The following ZNF701 variants were observed in gnomAD, a reference collection of about 807,000 sequenced individuals.
The protein encoded by ZNF701 is zinc finger protein 701.
In ZNF701, 6 loss-of-function variants were observed where a neutral mutation model predicts 7.1. That is an observed-to-expected ratio of 0.84 (90% CI 0.46 to 1.66). The LOEUF (loss-of-function observed/expected upper bound fraction) is 1.66. ZNF701 is among the 40% of genes most tolerant of loss of function. The probability of loss-of-function intolerance (pLI) is 0.01; values close to 1 mark genes in which losing one functional copy is unlikely to be tolerated. For synonymous variants in ZNF701, 166 were observed against 188.2 expected (o/e 0.88, Z 0.97); for missense variants, 541 against 559.2 (o/e 0.97, Z 0.33).
rs2059992858 is a variant in ZNF701 at position 52,583,887 on chromosome 19, G to T, written c.*430G>T. 2.0e-5 allele frequency: 9 copies of T among 447,716 alleles called. No homozygotes were observed. In the Admixed American group the frequency reaches 2.3e-4, roughly 12 times the overall value. 27.7% of individuals were successfully genotyped at this position (447,716 alleles called of 1,614,324 possible). ...AGGAGGTCTTACAAGTGTAATAAAT[G>T]TGGCAAGTTTTTCAGACATCATTCA... On this transcript the variant is annotated 3_prime_UTR_variant, in exon 4 of 4. Coordinates refer to ENST00000391785, the MANE Select transcript of ZNF701 (RefSeq NM_018260.3).
chr19:52,595,747 G>A, the ZNF701 span: 1 of 1,584,146 alleles, frequency 6.3e-7, no homozygotes, highest in Non-Finnish European at 8.7e-7. Context: ...CAGAAATCAA[G>A]AAAGATATTC....
At chr19:52,579,416 G>A (rs928169504) in intron 3 of ZNF701, among the ~76,000 whole-genome samples, 4 of 138,994 alleles carry the variant, frequency 2.9e-5, no homozygotes, top group Non-Finnish European at 5.9e-5. Flanking sequence ...CCAGCTACTC[G>A]CGAGGCTGAG....
At chr19:52,599,144 C>T in the ZNF701 span, among the ~76,000 whole-genome samples, 1 of 151,836 alleles carries the variant, frequency 6.6e-6, no homozygotes, top group African/African-American at 2.4e-5. Context: ...TCTCCTGCCT[C>T]AGCTTCCCGA....
Position 52,583,722 on chromosome 19 carries a change from G to T in ZNF701, c.*265G>T. On this transcript the variant is annotated 3_prime_UTR_variant, in exon 4 of 4. Transcript: ENST00000391785. ...GGAACTGTACAAGTGTAATGAGTGTGGCAGAGCCTTTGGTGGTCAGTCAAC... is the reference window on the plus strand; with the variant it reads ...GGAACTGTACAAGTGTAATGAGTGTTGCAGAGCCTTTGGTGGTCAGTCAAC... 1.3e-6 allele frequency: 1 copy of T among 770,382 alleles called. No homozygotes were observed. Among genetic ancestry groups the T allele is most frequent in the Non-Finnish European group, 2.3e-6 (1 of 437,958 alleles). The allele number at this position is 770,382 out of a possible 1,614,324, so 47.7% of individuals were successfully genotyped here. A position where few individuals can be genotyped will look rare whatever the true frequency, so the allele number is the denominator to read the frequency against.
At chr19:52,572,243 T>C (rs1040251553) in intron 1 of ZNF701, 3 of 399,158 alleles carry the variant, frequency 7.5e-6, no homozygotes, top group Non-Finnish European at 9.3e-6. Context: ...TTAGTAGAGA[T>C]GGGGTTTCTC....
At chr19:52,571,314 G>C (rs919888342) in intron 1 of ZNF701, among the ~76,000 whole-genome samples, 1 of 151,828 alleles carries the variant, frequency 6.6e-6, no homozygotes, top group Non-Finnish European at 1.5e-5. Flanking sequence ...GAGAACAGAG[G>C]GAGAACCACA....
intron 1 of ZNF701, 81 bp from the exon 2 acceptor site, chr19:52,573,996 G>A (rs2059916644): frequency 1.4e-6 from 2 of 1,425,276 alleles, no homozygotes; most frequent in Non-Finnish European, 1.9e-6. Flanking sequence ...TCAGAGTGAG[G>A]GCACCTTTGT....
intron 1 of ZNF701, among the ~76,000 whole-genome samples, chr19:52,571,315 G>A (rs911644025): frequency 6.6e-6 from 1 of 151,930 alleles, no homozygotes; most frequent in African/African-American, 2.4e-5. Flanking sequence ...AGAACAGAGG[G>A]AGAACCACAG....
downstream of ZNF701, among the ~76,000 whole-genome samples, chr19:52,587,417 A>C (rs1307878801): frequency 1.3e-5 from 2 of 151,906 alleles, no homozygotes; most frequent in African/African-American, 2.4e-5. Context: ...TATCTCAGGG[A>C]CTTCTCCTGG....
chr19:52,599,832 CCT>C, the ZNF701 span, among the ~76,000 whole-genome samples: 1 of 152,120 alleles, frequency 6.6e-6, no homozygotes, highest in African/African-American at 2.4e-5. Context: ...AGAGAGGGCC[CCT>C]GTCGCCATGT....
intron 1 of ZNF701, among the ~76,000 whole-genome samples, chr19:52,571,816 C>T (rs768343791): frequency 1.5e-4 from 22 of 151,526 alleles, no homozygotes; most frequent in Non-Finnish European, 3.1e-4. Flanking sequence ...CTTGGGTCAC[C>T]GCAACCCTTT....
chr19:52,572,628 T>G (rs1476142585), intron 1 of ZNF701: 5 of 348,786 alleles, frequency 1.4e-5, no homozygotes, highest in Non-Finnish European at 1.1e-5. Flanking sequence ...CGTGACTCGG[T>G]GAAAATGTCC....
In ZNF701 at chr19:52,583,280, G is replaced by A; in HGVS notation, c.1221G>A (p.Glu407=). The change falls in exon 4 of 4, where the codon GAG becomes GAA. Residue 407 remains glutamate (E), a synonymous_variant. Transcript: ENST00000391785. ...TGCATAAGGTCATTCATACTGGAGA[G>A]AAACGTTACAAGTGTAATGAATGTG... ...LVMHKVIHTG[E]KRYKCNECGK... 1 of 1,613,836 alleles carries A rather than the reference G, an allele frequency of 6.2e-7. No homozygotes were observed. Among genetic ancestry groups the A allele is most frequent in the East Asian group, 2.2e-5 (1 of 44,822 alleles).
chr19:52,570,471 A>G (rs937775211), intron 1 of ZNF701, 141 bp downstream of exon 1: 1 of 152,242 alleles, frequency 6.6e-6, no homozygotes, highest in Non-Finnish European at 1.5e-5. Context: ...TTCCCCTGGG[A>G]ATCCGGAAGT....
chr19:52,585,687 T>C lies in ZNF701; in HGVS notation c.*2230T>C, dbSNP rs1305895262. On this transcript the variant is annotated 3_prime_UTR_variant, in exon 4 of 4. Coordinates refer to ENST00000391785, the MANE Select transcript of ZNF701 (RefSeq NM_018260.3). ...TCCAGGGCCCCATTTACAAAGTTTTTGGAGGTTATTTTTTTTTGAGGTCCC... is the reference window on the plus strand; with the variant it reads ...TCCAGGGCCCCATTTACAAAGTTTTCGGAGGTTATTTTTTTTTGAGGTCCC... 1 of 150,448 alleles carries C rather than the reference T, an allele frequency of 6.6e-6. No homozygotes were observed. The highest frequency in any genetic ancestry group is 2.4e-5 in the African/African-American group (1 of 41,326). 9.3% of individuals were successfully genotyped at this position (150,448 alleles called of 1,614,324 possible).
intron 1 of ZNF701, among the ~76,000 whole-genome samples, chr19:52,571,272 G>A (rs2146975335): frequency 6.6e-6 from 1 of 151,740 alleles, no homozygotes; most frequent in Non-Finnish European, 1.5e-5. Context: ...TTGGAGCCAG[G>A]GCAGACAGAG....
At chr19:52,598,466 C>G in the ZNF701 span, among the ~76,000 whole-genome samples, 327 of 152,120 alleles carry the variant, frequency 2.1e-3, 3 homozygotes, top group African/African-American at 7.3e-3. Context: ...GGTGGAGTGG[C>G]GCGCTGGTTG....
downstream of ZNF701, among the ~76,000 whole-genome samples, chr19:52,589,572 C>A (rs1000821025): frequency 1.1e-4 from 16 of 151,814 alleles, 1 homozygote; most frequent in Admixed American, 5.9e-4. Context: ...CTCCACCTCC[C>A]GGGTTCAAGC....
At position 52,583,011 on chromosome 19, in the gene ZNF701, A is replaced by G; in HGVS notation, c.952A>G (p.Arg318Gly). Residue 318 changes from arginine (R) to glycine (G), a missense_variant, in exon 4 of 4, where the codon AGA (arginine) becomes GGA (glycine). Transcript: ENST00000391785. ...ACAATCAAACCTTGCACGTCATCAT[A>G]GAGTTCATACTGGAGAGAAACCTTA... is the stretch of plus-strand genomic sequence containing the variant. ...NQQSNLARHH[R>G]VHTGEKPYKC... is the part of the protein sequence containing the mutation. 1 of 1,613,964 alleles carries G rather than the reference A, an allele frequency of 6.2e-7. No homozygotes were observed. Among genetic ancestry groups the G allele is most frequent in the East Asian group, 2.2e-5 (1 of 44,864 alleles).
Sources: allele counts gnomAD v4.1 joint callset (sites outside exome capture counted in the v4.1 genomes callset), GRCh38; gene constraint gnomAD v4.1.1; transcripts MANE v1.5; gene names NCBI Gene and HGNC (gene_info 2026-07-23, HGNC 2026-07-21).